The following STYXL2 variants were observed in gnomAD, a reference collection of about 807,000 sequenced individuals.
STYXL2 encodes the protein serine/threonine/tyrosine interacting like 2.
A neutral mutation model predicts 52.4 loss-of-function variants in STYXL2; 44 were observed. The observed-to-expected ratio is 0.84, with a 90% CI of 0.66 to 1.08. The LOEUF is 1.08. Ranked by LOEUF, STYXL2 falls within the 50% of genes least tolerant of loss-of-function variation. STYXL2 has a pLI of 0.00. For missense variants in STYXL2, 1,604 were observed against 1,471.7 expected, an observed-to-expected ratio of 1.09 and a Z score of -1.47; for synonymous variants, 604 against 586.9, an observed-to-expected ratio of 1.03 and a Z score of -0.42.
At chr1:167,121,003 A>G (rs1667845875) in intron 5 of STYXL2, among the ~76,000 whole-genome samples, 1 of 139,154 alleles carries the variant, frequency 7.2e-6, no homozygotes, top group African/African-American at 2.8e-5. Context: ...CCTTTTTTCA[A>G]TGCTTAAAAA....
intron 4 of STYXL2, 75 bp from the exon 5 acceptor site, chr1:167,119,174 C>T: frequency 2.1e-6 from 3 of 1,425,304 alleles, no homozygotes; most frequent in Middle Eastern, 2.1e-4. Context: ...CTGGCTGAGG[C>T]AGGCTCACCG....
chr1:167,123,540 G>C (rs12031945), intron 5 of STYXL2, among the ~76,000 whole-genome samples: 45,752 of 152,154 alleles, frequency 0.3, 8,236 homozygotes, highest in African/African-American at 0.5. Flanking sequence ...GTCCTTGTAA[G>C]GGACAGCTAA....
chr1:167,102,010 T>C (rs1039939818), intron 2 of STYXL2, among the ~76,000 whole-genome samples: 1 of 152,136 alleles, frequency 6.6e-6, no homozygotes, highest in African/African-American at 2.4e-5. Flanking sequence ...CATGGATGAA[T>C]CTCAAAATAA....
chr1:167,117,815 C>T (rs1266772669), intron 4 of STYXL2, among the ~76,000 whole-genome samples: 1 of 152,232 alleles, frequency 6.6e-6, no homozygotes, highest in East Asian at 1.9e-4. Flanking sequence ...TCAAGAAGGC[C>T]TCTGGGCCTC....
At chr1:167,125,722 A>G in intron 5 of STYXL2, 65 bp from the exon 6 acceptor site, 1 of 1,499,780 alleles carries the variant, frequency 6.7e-7, no homozygotes, top group Non-Finnish European at 8.8e-7. Context: ...AAGAAAACAA[A>G]CAAACAAGAA....
At position 167,117,262 on chromosome 1, in the gene STYXL2, C is replaced by A; in HGVS notation, c.206-66C>A. On this transcript the variant is annotated intron_variant, in intron 3 of 5. Coordinates refer to ENST00000361200, the MANE Select transcript of STYXL2 (RefSeq NM_001080426.3). ...AGCAAACTGGCCAAGAGCATGTTCT[C>A]CCCAGGAACAAGGAAGGCCATGATG... 2.1e-6 allele frequency: 3 copies of A among 1,396,184 alleles called. No individual in the cohort carries two copies. In the South Asian group the frequency reaches 3.8e-5, roughly 18 times the overall value. The allele number at this position is 1,396,184 out of a possible 1,614,324, so 86.5% of individuals were successfully genotyped here.
At position 167,127,282 on chromosome 1, in the gene STYXL2, C is replaced by A. The variant is rs752808434; in HGVS notation, c.2151C>A (p.Thr717=). The A allele has an allele frequency of 1.9e-6, 3 of 1,614,222 alleles. No individual in the cohort carries two copies. The Admixed American group carries it at 5.0e-5, about 27-fold the overall frequency. ...ACCTGCCAGTGGGGCCTGGAGACAC[C>A]ATTTCCATTGCCAGTATCCAGAACT... ...LPNLPVGPGD[T]ISIASIQNWI... Residue 717 remains threonine (T), a synonymous_variant, in exon 6 of 6, where the codon ACC becomes ACA. Transcript: ENST00000361200.
At chr1:167,096,939 G>A in intron 2 of STYXL2, among the ~76,000 whole-genome samples, 1 of 152,118 alleles carries the variant, frequency 6.6e-6, no homozygotes, top group Non-Finnish European at 1.5e-5. Flanking sequence ...TGTCCCTCAG[G>A]CCTGAATGCA....
At chr1:167,105,816 T>A (rs1312820397) in intron 2 of STYXL2, among the ~76,000 whole-genome samples, 1 of 152,212 alleles carries the variant, frequency 6.6e-6, no homozygotes. Flanking sequence ...CACTGGGTAA[T>A]ACGGAGCAGA....
chr1:167,100,443 T>A (rs1156956024), intron 2 of STYXL2, among the ~76,000 whole-genome samples: 2 of 151,970 alleles, frequency 1.3e-5, no homozygotes, highest in African/African-American at 4.8e-5. Flanking sequence ...GGAAGGCAAA[T>A]AACAAATATG....
intron 2 of STYXL2, among the ~76,000 whole-genome samples, chr1:167,109,700 TC>T (rs1319905171): frequency 3.9e-5 from 6 of 152,004 alleles, no homozygotes; most frequent in African/African-American, 1.5e-4. Context: ...CAAGTTTGTT[TC>T]CCCCCTATAC....
chr1:167,096,042 G>A (rs995883754), intron 2 of STYXL2, among the ~76,000 whole-genome samples: 1 of 152,106 alleles, frequency 6.6e-6, no homozygotes, highest in Non-Finnish European at 1.5e-5. Flanking sequence ...GGAGGATCAT[G>A]AGGTCAGGAG....
chr1:167,103,992 C>T (rs1045849440), intron 2 of STYXL2, among the ~76,000 whole-genome samples: 4 of 151,994 alleles, frequency 2.6e-5, no homozygotes, highest in African/African-American at 9.7e-5. Flanking sequence ...TGGTGGTGGG[C>T]GCCTGTAATC....
At chr1:167,105,819 G>A (rs926245829) in intron 2 of STYXL2, among the ~76,000 whole-genome samples, 8 of 152,108 alleles carry the variant, frequency 5.3e-5, no homozygotes, top group Non-Finnish European at 7.3e-5. Context: ...TGGGTAATAC[G>A]GAGCAGAGTT....
At chr1:167,111,726 G>A (rs1558021323) in intron 2 of STYXL2, among the ~76,000 whole-genome samples, 1 of 151,706 alleles carries the variant, frequency 6.6e-6, no homozygotes, top group South Asian at 2.1e-4. Context: ...ATGATACAAT[G>A]GACTTTGGGG....
intron 3 of STYXL2, 82 bp from the exon 4 acceptor site, chr1:167,117,246 G>C (rs1422075770): frequency 7.8e-7 from 1 of 1,279,450 alleles, no homozygotes. Flanking sequence ...CAGCAAACTG[G>C]CCAAGAGCAT....
intron 2 of STYXL2, among the ~76,000 whole-genome samples, chr1:167,110,817 GC>G (rs1558020919): frequency 6.6e-6 from 1 of 152,098 alleles, no homozygotes; most frequent in South Asian, 2.1e-4. Flanking sequence ...TCCTTTCCCA[GC>G]CCCTTACAGT....
At position 167,125,987 on chromosome 1, in the gene STYXL2, T is replaced by C; in HGVS notation, c.856T>C (p.Tyr286His). The C allele has an allele frequency of 6.2e-7, 1 of 1,612,000 alleles. No individual in the cohort carries two copies. Among genetic ancestry groups the C allele is most frequent in the Non-Finnish European group, 8.5e-7 (1 of 1,179,122 alleles). The change falls in exon 6 of 6, where the codon TAT becomes CAT. Residue 286 changes from tyrosine (Y) to histidine (H), a missense_variant. Transcript: ENST00000361200. ...GTTGATGGAGGAGAGAGAAGAGGAC[T>C]ATGGCCGGGAGGGGGGATCAGCTGA... is the stretch of plus-strand genomic sequence containing the variant. ...EKLMEEREED[Y>H]GREGGSAEAE...
intron 2 of STYXL2, among the ~76,000 whole-genome samples, chr1:167,096,600 T>G (rs10918626): frequency 0.37 from 55,706 of 152,008 alleles, 10,736 homozygotes; most frequent in African/African-American, 0.47. Context: ...CAAGCACGGA[T>G]AATTTCCCAG....
Sources: gnomAD v4.1 joint callset for allele counts (sites outside exome capture counted in the v4.1 genomes callset) on GRCh38, gnomAD v4.1.1 for gene constraint, MANE v1.5 for transcripts, NCBI Gene and HGNC (gene_info 2026-07-23, HGNC 2026-07-21) for gene names.